Variants in C1QBP observed in about 807,000 individuals in gnomAD.
C1QBP encodes complement component 1 Q subcomponent-binding protein, mitochondrial.
A neutral mutation model predicts 29.4 loss-of-function variants in C1QBP; 24 were observed. The observed-to-expected ratio is 0.82, with a 90% confidence interval of 0.59 to 1.15. C1QBP has a LOEUF of 1.15. C1QBP is among the 50% of genes most tolerant of loss of function. The pLI, the probability that C1QBP is intolerant of heterozygous loss-of-function variation, is 0.00. For synonymous variants in C1QBP, 182 were observed against 149.2 expected (o/e 1.22, Z -1.60); for missense variants, 337 against 355.8 (o/e 0.95, Z 0.43).
intron 1 of C1QBP, 34 bp downstream of exon 1, chr17:5,438,808 A>T (rs950538047): frequency 2.7e-5 from 41 of 1,546,896 alleles, no homozygotes; most frequent in Non-Finnish European, 3.5e-5. Context: ...CCTCTGTTGA[A>T]CGCAAACCAC....
Position 5,432,790 on chromosome 17 carries a change from A to G in C1QBP, c.*225T>C. 1.3e-6 allele frequency: 1 copy of G among 792,700 alleles called. No homozygotes were observed. The highest frequency in any genetic ancestry group is 2.3e-5 in the South Asian group (1 of 43,874). The allele number at this position is 792,700 out of a possible 1,614,324, so 49.1% of individuals were successfully genotyped here. On this transcript the variant is annotated 3_prime_UTR_variant, in exon 6 of 6. Transcript: ENST00000225698. ...AGACAAACTGCCTTGGAGGAGATAA[A>G]CCAATTTTATGTCTATCATGTTATA... is the stretch of plus-strand genomic sequence containing the variant.
Position 5,439,134 on chromosome 17 carries a change from G to C in C1QBP, c.-61C>G. ...GACAACCCAGGCCTAGGCGCCCCGC[G>C]ACCTGAGGCGCCGCCGGAAGCCCCG... is the stretch of plus-strand genomic sequence containing the variant. On this transcript the variant is annotated 5_prime_UTR_variant, in exon 1 of 6. Transcript: ENST00000225698. 1 of 1,528,528 alleles carries C rather than the reference G, an allele frequency of 6.5e-7. No individual in the cohort carries two copies. 94.7% of individuals were successfully genotyped at this position (1,528,528 alleles called of 1,614,324 possible).
At position 5,433,376 on chromosome 17, in the gene C1QBP, T is replaced by A; in HGVS notation, c.616A>T (p.Ile206Phe). Residue 206 changes from isoleucine (I) to phenylalanine (F), a missense_variant, in exon 5 of 6, where the codon ATC (isoleucine) becomes TTC (phenylalanine). By Grantham distance (21) the Ile-to-Phe change is conservative. Transcript: ENST00000225698. ...GTGGACTGAAAGCTAACTTCCCTGA[T>A]AGAGAAGATGTCACTCTCAGCCTCG... ...EDEAESDIFS[I>F]REVSFQSTGE... The A allele has an allele frequency of 1.2e-6, 2 of 1,614,082 alleles. No individual in the cohort carries two copies. Among genetic ancestry groups the A allele is most frequent in the Non-Finnish European group, 1.7e-6 (2 of 1,179,978 alleles).
chr17:5,438,292 T>C lies in C1QBP; in HGVS notation c.233-19A>G. 1.2e-6 allele frequency: 2 copies of C among 1,610,424 alleles called. No homozygotes were observed. Among genetic ancestry groups the C allele is most frequent in the Non-Finnish European group, 8.5e-7 (1 of 1,178,722 alleles). ...TTGTCTCCTAGAAAAGAAATCCAGATACATAAAAAGGAAAGCCAGTTAGTC... is the reference window on the plus strand; with the variant it reads ...TTGTCTCCTAGAAAAGAAATCCAGACACATAAAAAGGAAAGCCAGTTAGTC... On this transcript the variant is annotated intron_variant, in intron 1 of 5. Transcript: ENST00000225698.
chr17:5,439,068 C>T lies in C1QBP; in HGVS notation c.6G>A (p.Leu2=). The T allele has an allele frequency of 3.2e-6, 5 of 1,540,242 alleles. No individual in the cohort carries two copies. The highest frequency in any genetic ancestry group is 2.6e-6 in the Non-Finnish European group (3 of 1,143,202). The change falls in exon 1 of 6, where the codon CTG becomes CTA. Residue 2 remains leucine (L), a synonymous_variant. Transcript: ENST00000225698. The part of the protein sequence containing the change: M[L]PLLRCVPRVL... ...CACGGGGCACGCAGCGCAGCAGAGGCAGCATCGCGGAAACGACTGCGAACA... is the reference window on the plus strand; with the variant it reads ...CACGGGGCACGCAGCGCAGCAGAGGTAGCATCGCGGAAACGACTGCGAACA...
At chr17:5,435,100 T>C (rs1916235638) in intron 2 of C1QBP, 134 bp from the exon 3 acceptor site, 2 of 772,906 alleles carry the variant, frequency 2.6e-6, no homozygotes, top group Non-Finnish European at 4.4e-6. Context: ...CCTAGCTGGC[T>C]GAATTATATG....
intron 2 of C1QBP, 34 bp downstream of exon 2, chr17:5,438,089 G>GT (rs1345058239): frequency 2.5e-6 from 4 of 1,605,300 alleles, no homozygotes; most frequent in Non-Finnish European, 3.4e-6. Flanking sequence ...GGTTAAGGGA[G>GT]TTGCTGCCCT....
At chr17:5,436,038 C>CT (rs1916262838) in intron 2 of C1QBP, among the ~76,000 whole-genome samples, 1 of 80,792 alleles carries the variant, frequency 1.2e-5, no homozygotes, top group African/African-American at 4.8e-5. Context: ...CAGCAAGACT[C>CT]TGTCAGAAAA....
At chr17:5,437,002 G>A (rs752059530) in intron 2 of C1QBP, among the ~76,000 whole-genome samples, 2 of 152,056 alleles carry the variant, frequency 1.3e-5, no homozygotes, top group African/African-American at 4.8e-5. Context: ...GCAAGACTCC[G>A]TGGGGTTGGG....
chr17:5,435,012 G>A, intron 2 of C1QBP, 46 bp from the exon 3 acceptor site: 1 of 1,483,498 alleles, frequency 6.7e-7, no homozygotes, highest in Non-Finnish European at 9.4e-7. Flanking sequence ...GACAAGGCAT[G>A]GTTTTAACCG....
intron 4 of C1QBP, 121 bp from the exon 5 acceptor site, chr17:5,433,536 C>T (rs1399973773): frequency 6.6e-7 from 1 of 1,512,690 alleles, no homozygotes; most frequent in Admixed American, 1.7e-5. Context: ...CCTCACTCCC[C>T]ACCTCTCTCC....
intron 2 of C1QBP, 27 bp downstream of exon 2, chr17:5,438,095 GC>G (rs1916323077): frequency 1.2e-6 from 2 of 1,606,792 alleles, no homozygotes; most frequent in Admixed American, 3.4e-5. Context: ...GGGAGTTGCT[GC>G]CCTGGGATCC....
At chr17:5,433,545 C>T in intron 4 of C1QBP, 124 bp downstream of exon 4, 1 of 1,511,028 alleles carries the variant, frequency 6.6e-7, no homozygotes, top group East Asian at 2.3e-5. Flanking sequence ...CCACCTCTCT[C>T]CCCCTGCTGG....
In C1QBP at chr17:5,433,180, T is replaced by A. The variant is rs1916145979; in HGVS notation, c.700-16A>T. On this transcript the variant is annotated splice_polypyrimidine_tract_variant and intron_variant, in intron 5 of 5. Transcript: ENST00000225698. The stretch of plus-strand genomic sequence containing the variant: ...CATATAAGGCCTGCAAAGAACAATA[T>A]TTACTAGTTAAAAAAAAATCTGTAA... 1 of 1,608,612 alleles carries A rather than the reference T, an allele frequency of 6.2e-7. No individual in the cohort carries two copies. Among genetic ancestry groups the A allele is most frequent in the Non-Finnish European group, 8.5e-7 (1 of 1,178,180 alleles).
chr17:5,435,183 T>G (rs1393259224), intron 2 of C1QBP, among the ~76,000 whole-genome samples: 1 of 152,188 alleles, frequency 6.6e-6, no homozygotes, highest in Admixed American at 6.5e-5. Flanking sequence ...GTGCCTACCA[T>G]GTACCAGCTG....
At chr17:5,435,618 G>A (rs1175634930) in intron 2 of C1QBP, among the ~76,000 whole-genome samples, 3 of 152,048 alleles carry the variant, frequency 2.0e-5, no homozygotes, top group Admixed American at 2.0e-4. Context: ...CAATTTTAAG[G>A]TGCAAGAATC....
rs374444582 is a variant in C1QBP at position 5,434,206 on chromosome 17, C to G, written c.478-439G>C. On this transcript the variant is annotated intron_variant, in intron 3 of 5. Coordinates refer to ENST00000225698, the MANE Select transcript of C1QBP (RefSeq NM_001212.4). ...AACAGCAGCAGCTTTTCCTCTGATGCGGAGCTCTGGGAGCAGACTGGGTCC... is the reference window on the plus strand; with the variant it reads ...AACAGCAGCAGCTTTTCCTCTGATGGGGAGCTCTGGGAGCAGACTGGGTCC... 4.6e-4 allele frequency: 97 copies of G among 209,994 alleles called. 1 individual carries two copies. The South Asian group carries it at 7.1e-3, about 15-fold the overall frequency. 13.0% of individuals were successfully genotyped at this position (209,994 alleles called of 1,614,324 possible). A position where few individuals can be genotyped will look rare whatever the true frequency, so the allele number is the denominator to read the frequency against.
chr17:5,433,045 T>G lies in C1QBP; in HGVS notation c.819A>C (p.Glu273Asp). Reference protein sequence around the residue: ...LEHQEYITFLEDLKSFVKSQ With the variant: ...LEHQEYITFLDDLKSFVKSQ ...GGCTCTTGACAAAACTCTTGAGGTC[T>G]TCAAGAAAAGTAATGTACTCCTGGT... Residue 273 changes from glutamate to aspartate, a missense_variant, in exon 6 of 6, where the codon GAA (glutamate) becomes GAC (aspartate). Transcript: ENST00000225698. 2 of 1,613,724 alleles carry G rather than the reference T, an allele frequency of 1.2e-6. No individual in the cohort carries two copies. The highest frequency in any genetic ancestry group is 1.7e-6 in the Non-Finnish European group (2 of 1,179,912).
chr17:5,435,000 C>G, intron 2 of C1QBP, 34 bp from the exon 3 acceptor site: 1 of 1,065,594 alleles, frequency 9.4e-7, no homozygotes, highest in South Asian at 2.5e-5. Context: ...CAAGGCAAAA[C>G]AGACAAGGCA....
Sources: gnomAD v4.1 joint callset for allele counts (sites outside exome capture counted in the v4.1 genomes callset) on GRCh38, gnomAD v4.1.1 for gene constraint, MANE v1.5 for transcripts, NCBI Gene and HGNC (gene_info 2026-07-23, HGNC 2026-07-21) for gene names.